CXXC1: variants seen among roughly 807,000 people sequenced by gnomAD.
The protein encoded by CXXC1 is CXXC-type zinc finger protein 1.
In CXXC1, 21 loss-of-function variants were observed where a neutral mutation model predicts 83.6. That is an observed-to-expected ratio of 0.25 (90% CI 0.18 to 0.36). The LOEUF (loss-of-function observed/expected upper bound fraction) is 0.36. Ranked by LOEUF, CXXC1 falls within the 10% of genes least tolerant of loss-of-function variation. CXXC1 has a pLI of 1.00. For synonymous variants in CXXC1, 371 were observed against 337.5 expected, an observed-to-expected ratio of 1.10 and a Z score of -1.09; for missense variants, 688 against 919.5, an observed-to-expected ratio of 0.75 and a Z score of 3.26.
intron 8 of CXXC1, 21 bp from the exon 9 acceptor site, chr18:50,284,583 G>A: frequency 6.3e-7 from 1 of 1,582,776 alleles, no homozygotes; most frequent in Non-Finnish European, 8.6e-7. Flanking sequence ...AGACAAGTCA[G>A]GTCAGGGTGG....
chr18:50,286,416 C>T, intron 3 of CXXC1, 123 bp downstream of exon 3: 1 of 1,065,684 alleles, frequency 9.4e-7, no homozygotes, highest in African/African-American at 1.6e-5. Flanking sequence ...TTCTATTACT[C>T]ACAATGGAGC....
chr18:50,283,254 GA>G lies in CXXC1; in HGVS notation c.1671+10del. On this transcript the variant is annotated intron_variant, in intron 13 of 14. Coordinates refer to ENST00000285106, the MANE Select transcript of CXXC1 (RefSeq NM_014593.4). ...AGGGGCAAAATGGGAGGAGCTGAGG[GA>G]AAACCTTACTTTGGGGTCCCGTGAG... is the stretch of plus-strand genomic sequence containing the variant. 1 of 1,611,568 alleles carries G rather than the reference GA, an allele frequency of 6.2e-7. No homozygotes were observed. The highest frequency in any genetic ancestry group is 8.5e-7 in the Non-Finnish European group (1 of 1,177,922).
At position 50,283,555 on chromosome 18, in the gene CXXC1, G is replaced by A. The variant is rs1005361761; in HGVS notation, c.1534C>T (p.Gln512Ter). The change falls in exon 12 of 15, where the codon CAG (glutamine) becomes TAG (stop). Residue 512 changes from glutamine to a stop codon, truncating the protein, a stop_gained. Coordinates refer to ENST00000285106, the MANE Select transcript of CXXC1 (RefSeq NM_014593.4). LOFTEE classifies it high-confidence loss of function. The stretch of plus-strand genomic sequence containing the variant: ...GGGTACATGGACCCAAAGGACGTCT[G>A]GCTCTCATACTGGAGGGATGAGCAC... ...MERCYAKYES[Q>*]TSFGSMYPTR... 1 of 1,613,848 alleles carries A rather than the reference G, an allele frequency of 6.2e-7. No homozygotes were observed. Among genetic ancestry groups the A allele is most frequent in the African/African-American group, 1.3e-5 (1 of 74,836 alleles).
chr18:50,286,576 G>A lies in CXXC1; in HGVS notation c.186C>T (p.Ala62=). Residue 62 remains alanine, a synonymous_variant, in exon 3 of 15, where the codon GCC becomes GCT. Coordinates refer to ENST00000285106, the MANE Select transcript of CXXC1 (RefSeq NM_014593.4). ...GACAGTACCACTCCCGGATGGCCTTGGCCATCTTCTCAGTGATCCGGATGC... is the reference window on the plus strand; with the variant it reads ...GACAGTACCACTCCCGGATGGCCTTAGCCATCTTCTCAGTGATCCGGATGC... The part of the protein sequence containing the change: ...GDCIRITEKM[A]KAIREWYCRE... 6.2e-7 allele frequency: 1 copy of A among 1,614,088 alleles called. No homozygotes were observed. The highest frequency in any genetic ancestry group is 8.5e-7 in the Non-Finnish European group (1 of 1,179,990).
At chr18:50,284,287 A>C in intron 9 of CXXC1, 91 bp downstream of exon 9, 3 of 1,518,436 alleles carry the variant, frequency 2.0e-6, no homozygotes, top group Non-Finnish European at 2.6e-6. Context: ...TGACTGGTGG[A>C]TAGCTGATTG....
rs1479876403 is a variant in CXXC1, at chr18:50,282,540, C to T, written c.*53G>A. On this transcript the variant is annotated 3_prime_UTR_variant, in exon 15 of 15. Coordinates refer to ENST00000285106, the MANE Select transcript of CXXC1 (RefSeq NM_014593.4). The surrounding 1 kb of genome is among the most constrained non-coding windows in gnomAD (Gnocchi z 5.8). ...AGTGGAGGAACGGACACACGGGCAC[C>T]GGGCGGCTCCCCCATCTGGAATGCA... 3 of 1,592,100 alleles carry T rather than the reference C, an allele frequency of 1.9e-6. No individual in the cohort carries two copies. Among genetic ancestry groups the T allele is most frequent in the Non-Finnish European group, 2.6e-6 (3 of 1,174,520 alleles).
chr18:50,286,423 G>A (rs2040715413), intron 3 of CXXC1, 116 bp downstream of exon 3: 1 of 1,073,254 alleles, frequency 9.3e-7, no homozygotes, highest in Non-Finnish European at 1.4e-6. Context: ...ACTCACAATG[G>A]AGCCCCATTC....
At position 50,286,550 on chromosome 18, in the gene CXXC1, C is replaced by T. The variant is rs1473675556; in HGVS notation, c.212G>A (p.Arg71Gln). 3.7e-6 allele frequency: 6 copies of T among 1,614,112 alleles called. No individual in the cohort carries two copies. Among genetic ancestry groups the T allele is most frequent in the African/African-American group, 1.3e-5 (1 of 75,056 alleles). Reference sequence around the variant, plus strand: ...TCCATGGCCCTCACCTCTGCACTCCCGACAGTACCACTCCCGGATGGCCTT... The same window carrying T: ...TCCATGGCCCTCACCTCTGCACTCCTGACAGTACCACTCCCGGATGGCCTT... ...MAKAIREWYC[R>Q]ECREKDPKLE... is the part of the protein sequence containing the mutation. The change falls in exon 3 of 15, where the codon CGG becomes CAG. Residue 71 changes from arginine (R) to glutamine (Q), a missense_variant. By Grantham distance (43) the Arg-to-Gln change is conservative. Transcript: ENST00000285106.
intron 7 of CXXC1, 60 bp downstream of exon 7, chr18:50,284,942 G>A: frequency 6.2e-7 from 1 of 1,612,696 alleles, no homozygotes; most frequent in Non-Finnish European, 8.5e-7. Flanking sequence ...TCCTCATTAG[G>A]GATACTCTCT....
Position 50,283,306 on chromosome 18 carries a change from G to T in CXXC1, c.1630C>A (p.Arg544=), listed in dbSNP as rs754241327. The change falls in exon 13 of 15, where the codon CGG becomes AGG. Residue 544 remains arginine (R), a synonymous_variant. Transcript: ENST00000285106. ...TGCTCGGGGCACAGCACCTGGAGCC[G>T]CTTACAGTATGTTTTGCTCTGAGGA... ...YNPQSKTYCK[R]LQVLCPEHSR... 3 of 1,614,056 alleles carry T rather than the reference G, an allele frequency of 1.9e-6. No homozygotes were observed. Among genetic ancestry groups the T allele is most frequent in the South Asian group, 2.2e-5 (2 of 91,072 alleles).
At position 50,285,207 on chromosome 18, in the gene CXXC1, C is replaced by T. The variant is rs1342993263; in HGVS notation, c.707G>A (p.Arg236His). Reference protein sequence around the residue: ...VTPSESLPRPRRPLPTQQQPQ... With the variant: ...VTPSESLPRPHRPLPTQQQPQ... The stretch of plus-strand genomic sequence containing the variant: ...CTGCTGTTGGGTGGGCAGTGGCCGG[C>T]GGGGCCTTGGCAGGGACTCTGAGGG... Residue 236 changes from arginine (R) to histidine (H), a missense_variant, in exon 7 of 15, where the codon CGC (arginine) becomes CAC (histidine). Coordinates refer to ENST00000285106, the MANE Select transcript of CXXC1 (RefSeq NM_014593.4). This position sits in a 1 kb window ranked among gnomAD's most constrained non-coding sequence, Gnocchi z 4.4. 1.2e-6 allele frequency: 2 copies of T among 1,614,040 alleles called. No homozygotes were observed. Among genetic ancestry groups the T allele is most frequent in the South Asian group, 1.1e-5 (1 of 91,080 alleles).
At position 50,285,306 on chromosome 18, in the gene CXXC1, C is replaced by G. The variant is rs781217413; in HGVS notation, c.666+19G>C. 3.1e-6 allele frequency: 5 copies of G among 1,608,912 alleles called. No individual in the cohort carries two copies. The highest frequency in any genetic ancestry group is 1.7e-5 in the Admixed American group (1 of 59,734). ...GCCCTGCCCGCATGCCCCACCCCAC[C>G]CTGGGGGGCTGGACTCACCGAGGAA... On this transcript the variant is annotated intron_variant, in intron 6 of 14. Transcript: ENST00000285106. This position sits in a 1 kb window ranked among gnomAD's most constrained non-coding sequence, Gnocchi z 4.4.
intron 3 of CXXC1, 90 bp downstream of exon 3, chr18:50,286,449 G>C: frequency 8.6e-7 from 1 of 1,166,866 alleles, no homozygotes. Flanking sequence ...CACCACAGAC[G>C]TGTATCACTA....
At chr18:50,286,913 C>A (rs1425450086) in intron 1 of CXXC1, 55 bp from the exon 2 acceptor site, 2 of 1,218,434 alleles carry the variant, frequency 1.6e-6, no homozygotes, top group East Asian at 2.3e-5. Context: ...GGCGGCTCAT[C>A]CCCCCATTAC....
At position 50,284,824 on chromosome 18, in the gene CXXC1, T is replaced by A. The variant is rs1332237516; in HGVS notation, c.928A>T (p.Thr310Ser). ...DDHGLPWMSD[T>S]EESPFLDPAL... ...GGGTCCAGGAATGGGGACTCTTCTG[T>A]GTCGCTCATCCAGGGCTGCAAGCAG... is the stretch of plus-strand genomic sequence containing the variant. Residue 310 changes from threonine (T) to serine (S), a missense_variant, in exon 8 of 15, where the codon ACA (threonine) becomes TCA (serine). By Grantham distance (58) the Thr-to-Ser change is moderately conservative. This residue lies in a region of CXXC1 where 190 missense variants were observed against 199.7 expected (regional missense o/e 0.95). Transcript: ENST00000285106. 1 of 1,614,052 alleles carries A rather than the reference T, an allele frequency of 6.2e-7. No individual in the cohort carries two copies. Among genetic ancestry groups the A allele is most frequent in the African/African-American group, 1.3e-5 (1 of 74,932 alleles).
chr18:50,284,954 C>T (rs1441351646), intron 7 of CXXC1, 48 bp downstream of exon 7: 2 of 1,612,936 alleles, frequency 1.2e-6, no homozygotes, highest in African/African-American at 1.3e-5. Context: ...ATACTCTCTG[C>T]TTCTGTAACC....
chr18:50,282,422 G>A lies in CXXC1; in HGVS notation c.*171C>T. 1.3e-6 allele frequency: 1 copy of A among 798,762 alleles called. No individual in the cohort carries two copies. The highest frequency in any genetic ancestry group is 2.5e-5 in the East Asian group (1 of 40,574). The allele number at this position is 798,762 out of a possible 1,614,324, so 49.5% of individuals were successfully genotyped here. ...TGAGTGGACTCCGCAGCCCCACCAG[G>A]CACTGAACATGTCGACGGGGACAGT... On this transcript the variant is annotated 3_prime_UTR_variant, in exon 15 of 15. Coordinates refer to ENST00000285106, the MANE Select transcript of CXXC1 (RefSeq NM_014593.4). This position sits in a 1 kb window ranked among gnomAD's most constrained non-coding sequence, Gnocchi z 5.8.
In CXXC1 at chr18:50,282,632, A is replaced by T. The variant is rs2040522362; in HGVS notation, c.1932T>A (p.Asp644Glu). 6.2e-7 allele frequency: 1 copy of T among 1,612,020 alleles called. No homozygotes were observed. Among genetic ancestry groups the T allele is most frequent in the Non-Finnish European group, 8.5e-7 (1 of 1,180,002 alleles). ...TGGAGCGCAGGTCGGTAGTGAGGGGATCGTGCTGGATCGTCTGGTGCAGCA... is the reference window on the plus strand; with the variant it reads ...TGGAGCGCAGGTCGGTAGTGAGGGGTTCGTGCTGGATCGTCTGGTGCAGCA... ...ALMLHQTIQH[D>E]PLTTDLRSSA... Residue 644 changes from aspartate (D) to glutamate (E), a missense_variant, in exon 15 of 15, where the codon GAT (aspartate) becomes GAA (glutamate). Asp to Glu is a conservative substitution (Grantham distance 45, BLOSUM62 2). Around this residue, in one of 9 missense-constraint regions of CXXC1, gnomAD observed 34 missense variants for 27.0 expected, o/e 1.26. Transcript: ENST00000285106. This position sits in a 1 kb window ranked among gnomAD's most constrained non-coding sequence, Gnocchi z 5.8.
In CXXC1 at chr18:50,284,463, G is replaced by A; in HGVS notation, c.1120C>T (p.Gln374Ter). 1 of 1,608,290 alleles carries A rather than the reference G, an allele frequency of 6.2e-7. No homozygotes were observed. The highest frequency in any genetic ancestry group is 8.5e-7 in the Non-Finnish European group (1 of 1,177,196). The change falls in exon 9 of 15, where the codon CAG (glutamine) becomes TAG (stop). Residue 374 changes from glutamine to a stop codon, truncating the protein, a stop_gained. Coordinates refer to ENST00000285106, the MANE Select transcript of CXXC1 (RefSeq NM_014593.4). LOFTEE classifies it high-confidence loss of function. ...CGCACACAGCCGGGCCCCAGGCACTGGGGCAGTGACGCAGGGTCCTTGGCA... is the reference window on the plus strand; with the variant it reads ...CGCACACAGCCGGGCCCCAGGCACTAGGGCAGTGACGCAGGGTCCTTGGCA... ...ADAKDPASLP[Q>*]CLGPGCVRPA...
Sources: allele counts gnomAD v4.1 joint callset, GRCh38; gene constraint gnomAD v4.1.1; regional missense constraint gnomAD v4.1.1; non-coding constraint Gnocchi (gnomAD v3.1); transcripts MANE v1.5; gene names NCBI Gene and HGNC (gene_info 2026-07-23, HGNC 2026-07-21).